Variants in TEX264 observed in about 807,000 individuals in gnomAD.
The protein encoded by TEX264 is testis-expressed protein 264.
Under a neutral mutation model 23.4 loss-of-function variants are expected in TEX264, and 13 were observed. That is an observed-to-expected ratio of 0.56 (90% CI 0.36 to 0.88). TEX264 has a LOEUF of 0.88. Among genes scored for constraint, TEX264 ranks in the 40% least tolerant of loss-of-function variants. The probability of loss-of-function intolerance (pLI) is 0.01; values close to 1 mark genes in which losing one functional copy is unlikely to be tolerated. For synonymous variants in TEX264, 159 were observed against 170.0 expected (o/e 0.94, Z 0.50); for missense variants, 340 against 406.8 (o/e 0.84, Z 1.41).
chr3:51,679,433 C>T (rs1702346587), intron 2 of TEX264, among the ~76,000 whole-genome samples: 1 of 152,164 alleles, frequency 6.6e-6, no homozygotes, highest in East Asian at 1.9e-4. Context: ...TGAGGCGGCA[C>T]AGTGCAGGGA....
At chr3:51,675,962 G>C (rs543686519) in intron 2 of TEX264, among the ~76,000 whole-genome samples, 75 of 152,288 alleles carry the variant, frequency 4.9e-4, no homozygotes, top group African/African-American at 1.8e-3. Context: ...GGTGGAGGAG[G>C]GAAGGAGATG....
intron 3 of TEX264, 23 bp from the exon 4 acceptor site, chr3:51,699,383 A>G (rs181163364): frequency 7.9e-5 from 128 of 1,611,348 alleles, no homozygotes; most frequent in African/African-American, 3.9e-4. Flanking sequence ...GGCTCATTCT[A>G]CCTTTTGCCA....
chr3:51,694,077 TTCCGTCCG>T (rs1362318428), intron 3 of TEX264, among the ~76,000 whole-genome samples: 2 of 108,168 alleles, frequency 1.8e-5, no homozygotes, highest in South Asian at 3.6e-4. Flanking sequence ...TTCCCCTTCC[TTCCGTCCG>T]TCCTTCCTTC....
chr3:51,690,267 C>T (rs1702781192), intron 3 of TEX264, among the ~76,000 whole-genome samples: 1 of 152,180 alleles, frequency 6.6e-6, no homozygotes, highest in Non-Finnish European at 1.5e-5. Context: ...TGTGGTGGCT[C>T]ACGCCTGTAA....
rs1314329393 is a variant in TEX264, at chr3:51,691,905, G to A, written c.480+7271G>A. ...GAGGCGATCCTCCCACCATACCACG[G>A]CTTGGCTTCCCCGGCTCCCCTTAGG... On this transcript the variant is annotated intron_variant, in intron 3 of 4. Coordinates refer to ENST00000341333, the MANE Select transcript of TEX264 (RefSeq NM_015926.6). This position sits in a 1 kb window ranked among gnomAD's most constrained non-coding sequence, Gnocchi z 4.4. Among the ~76,000 whole-genome samples the A allele has an allele frequency of 6.6e-6, 1 of 152,226 alleles. No individual in the cohort carries two copies. The highest frequency in any genetic ancestry group is 1.5e-5 in the Non-Finnish European group (1 of 68,044).
chr3:51,677,969 C>T (rs1702286725), intron 2 of TEX264, among the ~76,000 whole-genome samples: 2 of 152,148 alleles, frequency 1.3e-5, no homozygotes, highest in Admixed American at 1.3e-4. Context: ...GGTGTACTCA[C>T]CCACCTCAGA....
chr3:51,702,151 A>G (rs1366666470), intron 4 of TEX264, among the ~76,000 whole-genome samples: 3 of 152,132 alleles, frequency 2.0e-5, no homozygotes, highest in Non-Finnish European at 4.4e-5. Flanking sequence ...CAGAACATAC[A>G]GTTTAATAGG....
rs545964167 is a variant in TEX264 at position 51,680,250 on chromosome 3, C to T, written c.259-4163C>T. ...CCCAATGACTACATTTGGTCTGGGC[C>T]GCTGACACCATTTCTCATTCCTGCA... is the stretch of plus-strand genomic sequence containing the variant. On this transcript the variant is annotated intron_variant, in intron 2 of 4. Coordinates refer to ENST00000341333, the MANE Select transcript of TEX264 (RefSeq NM_015926.6). Among the ~76,000 whole-genome samples the T allele has an allele frequency of 5.9e-5, 9 of 152,284 alleles. No individual in the cohort carries two copies. The East Asian group carries it at 1.2e-3, about 20-fold the overall frequency.
intron 2 of TEX264, among the ~76,000 whole-genome samples, chr3:51,678,212 C>A (rs1455460554): frequency 1.3e-5 from 2 of 152,138 alleles, no homozygotes; most frequent in Admixed American, 1.3e-4. Context: ...CTTCAGGCTC[C>A]CTTTTGGGGC....
intron 2 of TEX264, among the ~76,000 whole-genome samples, chr3:51,680,320 G>T (rs1416878209): frequency 6.6e-6 from 1 of 152,208 alleles, no homozygotes; most frequent in East Asian, 1.9e-4. Flanking sequence ...ACTCAGCGAG[G>T]TCTTGGCTTG....
intron 1 of TEX264, 68 bp from the exon 2 acceptor site, chr3:51,674,203 T>C (rs2106895860): frequency 1.3e-6 from 2 of 1,549,330 alleles, no homozygotes; most frequent in Non-Finnish European, 1.8e-6. Context: ...CCAGAACTGG[T>C]TGGCGGGCAA....
At chr3:51,700,180 C>T (rs560957542) in intron 4 of TEX264, among the ~76,000 whole-genome samples, 3 of 152,274 alleles carry the variant, frequency 2.0e-5, no homozygotes, top group South Asian at 2.1e-4. Flanking sequence ...TGCCTGCCCA[C>T]CCCTCTGCAA....
intron 2 of TEX264, chr3:51,682,553 T>C (rs958984246): frequency 6.6e-6 from 1 of 152,210 alleles, no homozygotes; most frequent in African/African-American, 2.4e-5. Context: ...GACTGTGTCA[T>C]AGCTACTAAT....
chr3:51,694,322 G>C (rs1246164151), intron 3 of TEX264: 2 of 152,074 alleles, frequency 1.3e-5, no homozygotes, highest in African/African-American at 4.8e-5. Context: ...GTAGAGACAG[G>C]GTTTCACTAT....
Position 51,674,303 on chromosome 3 carries a change from C to T in TEX264, c.-2C>T, listed in dbSNP as rs201762087. 6.2e-7 allele frequency: 1 copy of T among 1,614,146 alleles called. No individual in the cohort carries two copies. ...GAGGTGCAGTGTTGGGGATCCAGAGCCATGTCGGACCTGCTACTACTGGGC... is the reference window on the plus strand; with the variant it reads ...GAGGTGCAGTGTTGGGGATCCAGAGTCATGTCGGACCTGCTACTACTGGGC... On this transcript the variant is annotated 5_prime_UTR_variant, in exon 2 of 5. Coordinates refer to ENST00000341333, the MANE Select transcript of TEX264 (RefSeq NM_015926.6).
At chr3:51,673,506 T>C (rs1702125167) in intron 1 of TEX264, among the ~76,000 whole-genome samples, 1 of 152,230 alleles carries the variant, frequency 6.6e-6, no homozygotes, top group Non-Finnish European at 1.5e-5. Context: ...CTTTTCCTCT[T>C]ACTACTCACT....
chr3:51,696,254 C>G (rs1465247412), intron 3 of TEX264, among the ~76,000 whole-genome samples: 2 of 152,100 alleles, frequency 1.3e-5, no homozygotes, highest in Non-Finnish European at 2.9e-5. Flanking sequence ...AGGGGATGTG[C>G]CAGGGCTAGG....
intron 3 of TEX264, 104 bp downstream of exon 3, chr3:51,684,738 C>A: frequency 8.6e-7 from 1 of 1,161,762 alleles, no homozygotes; most frequent in Non-Finnish European, 1.2e-6. Context: ...TTTGGGAGAG[C>A]AGCACCCTGG....
Position 51,686,324 on chromosome 3 carries a change from G to A in TEX264, c.480+1690G>A, listed in dbSNP as rs1222817318. Among the ~76,000 whole-genome samples, 2 of 152,218 alleles carry A rather than the reference G, an allele frequency of 1.3e-5. No homozygotes were observed. The highest frequency in any genetic ancestry group is 2.9e-5 in the Non-Finnish European group (2 of 68,040). The stretch of plus-strand genomic sequence containing the variant: ...TCAGGGAACAGGACGAGAGTCAGTG[G>A]GAGTGAGAGCCTGGTACACTTGGAG... On this transcript the variant is annotated intron_variant, in intron 3 of 4. Coordinates refer to ENST00000341333, the MANE Select transcript of TEX264 (RefSeq NM_015926.6). The surrounding 1 kb of genome is among the most constrained non-coding windows in gnomAD (Gnocchi z 4.1).
Sources: gnomAD v4.1 joint callset for allele counts (sites outside exome capture counted in the v4.1 genomes callset) on GRCh38, gnomAD v4.1.1 for gene constraint, Gnocchi (gnomAD v3.1) non-coding constraint, MANE v1.5 for transcripts, NCBI Gene and HGNC (gene_info 2026-07-23, HGNC 2026-07-21) for gene names.